Variants in DLG2 observed in about 807,000 individuals in gnomAD.
DLG2 encodes the protein disks large homolog 2.
Under a neutral mutation model 132.5 loss-of-function variants are expected in DLG2, and 45 were observed. The observed-to-expected ratio is 0.34, with a 90% CI of 0.27 to 0.44. DLG2 has a LOEUF of 0.44. DLG2 is among the 20% of genes least tolerant of loss of function. The pLI, the probability that DLG2 is intolerant of heterozygous loss-of-function variation, is 1.00. For synonymous variants in DLG2, 424 were observed against 419.6 expected (o/e 1.01, Z -0.13); for missense variants, 1,045 against 1,196.9 (o/e 0.87, Z 1.87).
chr11:84,136,713 T>A (rs1437214411), intron 9 of DLG2, among the ~76,000 whole-genome samples: 1 of 152,118 alleles, frequency 6.6e-6, no homozygotes, highest in African/African-American at 2.4e-5. Flanking sequence ...AAGTTAATTG[T>A]GCTTATGGTC....
At chr11:83,705,182 C>A (rs1444823948) in intron 18 of DLG2, among the ~76,000 whole-genome samples, 1 of 152,160 alleles carries the variant, frequency 6.6e-6, no homozygotes, top group Non-Finnish European at 1.5e-5. Flanking sequence ...GTTTCCTCTG[C>A]ATATTTTCAC....
chr11:85,205,171 T>G (rs963273984), intron 4 of DLG2, among the ~76,000 whole-genome samples: 8 of 148,200 alleles, frequency 5.4e-5, no homozygotes, highest in South Asian at 2.1e-4. Context: ...TATAGATATA[T>G]ATATATATAA....
chr11:84,912,482 G>C (rs1160813582), intron 6 of DLG2, among the ~76,000 whole-genome samples: 1 of 152,196 alleles, frequency 6.6e-6, no homozygotes, highest in African/African-American at 2.4e-5. Flanking sequence ...AACATCTTCT[G>C]AATGAATCTT....
At chr11:84,845,629 C>T (rs1353719153) in intron 6 of DLG2, among the ~76,000 whole-genome samples, 1 of 151,726 alleles carries the variant, frequency 6.6e-6, no homozygotes, top group Non-Finnish European at 1.5e-5. Context: ...AATCAGATAA[C>T]CCATCCTTCC....
intron 21 of DLG2, among the ~76,000 whole-genome samples, chr11:83,488,832 C>T (rs2093676816): frequency 6.6e-6 from 1 of 151,922 alleles, no homozygotes; most frequent in Admixed American, 6.6e-5. Context: ...TGGGCCACTA[C>T]TTTGTATTAT....
chr11:84,228,003 G>A (rs2154333558), intron 8 of DLG2, among the ~76,000 whole-genome samples: 1 of 151,888 alleles, frequency 6.6e-6, no homozygotes, highest in Non-Finnish European at 1.5e-5. Context: ...GATCTATGGT[G>A]GAATGTTGTA....
At chr11:83,569,459 T>G (rs2096762151) in intron 19 of DLG2, among the ~76,000 whole-genome samples, 1 of 152,182 alleles carries the variant, frequency 6.6e-6, no homozygotes, top group Non-Finnish European at 1.5e-5. Context: ...TTACATATAT[T>G]ATATCCTTTT....
chr11:84,057,076 A>T (rs2096515618), intron 11 of DLG2, among the ~76,000 whole-genome samples: 1 of 151,950 alleles, frequency 6.6e-6, no homozygotes, highest in South Asian at 2.1e-4. Context: ...GTTGATTAAT[A>T]CTCACTTCTC....
At chr11:84,783,606 A>G (rs1565950630) in intron 6 of DLG2, among the ~76,000 whole-genome samples, 1 of 152,160 alleles carries the variant, frequency 6.6e-6, no homozygotes, top group South Asian at 2.1e-4. Flanking sequence ...CACTGATATA[A>G]CACTATAGCT....
chr11:84,882,981 A>G (rs140361470), intron 6 of DLG2, among the ~76,000 whole-genome samples: 3,756 of 152,220 alleles, frequency 0.025, 179 homozygotes, highest in African/African-American at 0.087. Flanking sequence ...AGGATTATAA[A>G]TCATTCTGTT....
chr11:83,517,628 T>C (rs181599121), intron 21 of DLG2, among the ~76,000 whole-genome samples: 10 of 152,340 alleles, frequency 6.6e-5, no homozygotes, highest in African/African-American at 2.4e-4. Flanking sequence ...TTTTCTGCTC[T>C]GTTTTTTCCC....
At chr11:84,213,837 GAA>G (rs1265844629) in intron 8 of DLG2, among the ~76,000 whole-genome samples, 2 of 124,744 alleles carry the variant, frequency 1.6e-5, no homozygotes, top group African/African-American at 3.0e-5. Context: ...AAAAAAAAAA[GAA>G]AAAAAAAAAG....
At chr11:84,975,429 T>C (rs1460343937) in intron 6 of DLG2, among the ~76,000 whole-genome samples, 2 of 152,172 alleles carry the variant, frequency 1.3e-5, no homozygotes, top group Non-Finnish European at 2.9e-5. Context: ...TGCATTTTCC[T>C]TTTACTTTTT....
chr11:84,561,882 A>T (rs1342564589), intron 6 of DLG2, among the ~76,000 whole-genome samples: 2 of 152,168 alleles, frequency 1.3e-5, no homozygotes, highest in Admixed American at 1.3e-4. Flanking sequence ...TGAACACTAT[A>T]TATGTCAAAC....
intron 18 of DLG2, among the ~76,000 whole-genome samples, chr11:83,722,239 GT>G (rs890437303): frequency 6.6e-6 from 1 of 152,024 alleles, no homozygotes; most frequent in Non-Finnish European, 1.5e-5. Context: ...GATCATTATG[GT>G]TTCATTCTTA....
chr11:83,580,232 T>C (rs1302724948), intron 19 of DLG2, among the ~76,000 whole-genome samples: 1 of 152,164 alleles, frequency 6.6e-6, no homozygotes, highest in Non-Finnish European at 1.5e-5. Context: ...GGAATTGGAC[T>C]CTTCCCATTT....
At chr11:83,666,904 C>T (rs1035311470) in intron 18 of DLG2, among the ~76,000 whole-genome samples, 3 of 152,222 alleles carry the variant, frequency 2.0e-5, no homozygotes, top group South Asian at 4.1e-4. Flanking sequence ...CCTTTCATTC[C>T]CTCTCCAACA....
chr11:84,429,510 A>G (rs912496073), intron 7 of DLG2, among the ~76,000 whole-genome samples: 31 of 152,180 alleles, frequency 2.0e-4, no homozygotes, highest in Non-Finnish European at 2.8e-4. Flanking sequence ...ACCAGGGTTC[A>G]TTTAGGACCT....
At chr11:84,105,394 C>T (rs940423620) in intron 9 of DLG2, among the ~76,000 whole-genome samples, 10 of 152,082 alleles carry the variant, frequency 6.6e-5, no homozygotes, top group African/African-American at 2.4e-4. Flanking sequence ...GACACAGGCA[C>T]CAGCAAGTGC....
Sources: allele counts gnomAD v4.1 joint callset (sites outside exome capture counted in the v4.1 genomes callset), GRCh38; gene constraint gnomAD v4.1.1; transcripts MANE v1.5; gene names NCBI Gene and HGNC (gene_info 2026-07-23, HGNC 2026-07-21).